LIPK: variants seen among roughly 807,000 people sequenced by gnomAD.
The protein encoded by LIPK is lipase member K.
Under a neutral mutation model 48.6 loss-of-function variants are expected in LIPK, and 32 were observed. The observed-to-expected ratio is 0.66, with a 90% CI of 0.50 to 0.88. The LOEUF (loss-of-function observed/expected upper bound fraction) is 0.88. Among genes scored for constraint, LIPK ranks in the 40% least tolerant of loss-of-function variants. The pLI, the probability that LIPK is intolerant of heterozygous loss-of-function variation, is 0.00. For missense variants in LIPK, 507 were observed against 478.5 expected (o/e 1.06, Z -0.56); for synonymous variants, 164 against 157.4 (o/e 1.04, Z -0.32).
chr10:88,721,900 A>C (rs1247087416), intron 1 of LIPK, among the ~76,000 whole-genome samples: 1 of 152,254 alleles, frequency 6.6e-6, no homozygotes, highest in African/African-American at 2.4e-5. Flanking sequence ...CCTGATCAAC[A>C]TTCGAAGCTT....
chr10:88,739,631 G>A (rs1009905040), intron 7 of LIPK, among the ~76,000 whole-genome samples: 4 of 152,062 alleles, frequency 2.6e-5, no homozygotes, highest in Non-Finnish European at 5.9e-5. Flanking sequence ...TGAGGCAGGC[G>A]GATCACGAGG....
chr10:88,723,193 C>T (rs1842266237), intron 1 of LIPK, among the ~76,000 whole-genome samples: 1 of 152,038 alleles, frequency 6.6e-6, no homozygotes, highest in South Asian at 2.1e-4. Flanking sequence ...CCCAATATTT[C>T]CTACCCTTTA....
intron 3 of LIPK, 62 bp from the exon 4 acceptor site, chr10:88,730,921 G>T (rs771630475): frequency 2.2e-6 from 3 of 1,393,148 alleles, no homozygotes; most frequent in Non-Finnish European, 2.9e-6. Flanking sequence ...TCAGGAATGA[G>T]ATTTTTCTTG....
intron 6 of LIPK, among the ~76,000 whole-genome samples, chr10:88,735,170 G>A (rs1370675453): frequency 6.6e-6 from 1 of 152,126 alleles, no homozygotes; most frequent in Non-Finnish European, 1.5e-5. Context: ...ACCATGCTAA[G>A]CCTCAATTTT....
chr10:88,707,367 C>T (rs1379568252), intron 1 of LIPK, among the ~76,000 whole-genome samples: 3 of 152,038 alleles, frequency 2.0e-5, no homozygotes, highest in East Asian at 1.9e-4. Flanking sequence ...TTTGTAAGGA[C>T]ATTGAGGGAA....
intron 8 of LIPK, among the ~76,000 whole-genome samples, chr10:88,741,619 G>A (rs986584639): frequency 6.6e-6 from 1 of 152,180 alleles, no homozygotes; most frequent in Non-Finnish European, 1.5e-5. Context: ...AAGTGGGGAT[G>A]GTGGGGGGCA....
chr10:88,726,636 G>A (rs760934489), intron 2 of LIPK, among the ~76,000 whole-genome samples, 159 bp from the exon 3 acceptor site: 9 of 152,226 alleles, frequency 5.9e-5, no homozygotes, highest in Non-Finnish European at 8.8e-5. Flanking sequence ...GAAGGCTGCA[G>A]TGAGCCAAGA....
intron 1 of LIPK, among the ~76,000 whole-genome samples, chr10:88,707,909 A>G (rs1841964730): frequency 6.6e-6 from 1 of 152,146 alleles, no homozygotes; most frequent in Non-Finnish European, 1.5e-5. Context: ...TTTTGGTAAG[A>G]GGTTAAAAGT....
intron 1 of LIPK, among the ~76,000 whole-genome samples, chr10:88,716,347 G>A (rs138672063): frequency 0.012 from 1,731 of 139,732 alleles, 29 homozygotes; most frequent in East Asian, 0.059. Flanking sequence ...AGAGAATTCA[G>A]GAAAATTTCT....
At chr10:88,738,796 A>G (rs111332832) in intron 7 of LIPK, among the ~76,000 whole-genome samples, 2,702 of 152,326 alleles carry the variant, frequency 0.018, 91 homozygotes, top group Admixed American at 0.088. Context: ...TTGTCAGATC[A>G]CCTTTTGTCT....
intron 3 of LIPK, among the ~76,000 whole-genome samples, chr10:88,729,252 T>TTGG (rs1554955616): frequency 2.5e-5 from 1 of 40,200 alleles, no homozygotes. Context: ...GGCTATCTGT[T>TTGG]GGGGGGGGGG....
intron 9 of LIPK, among the ~76,000 whole-genome samples, 195 bp from the exon 10 acceptor site, chr10:88,752,322 T>C (rs1349863989): frequency 6.6e-6 from 1 of 152,236 alleles, no homozygotes; most frequent in Non-Finnish European, 1.5e-5. Flanking sequence ...ATTGTTTTTT[T>C]CGATTCACAA....
intron 7 of LIPK, among the ~76,000 whole-genome samples, chr10:88,738,853 A>C (rs1218889242): frequency 1.3e-5 from 2 of 152,238 alleles, no homozygotes; most frequent in Non-Finnish European, 2.9e-5. Flanking sequence ...ACCTTCAAGG[A>C]CATTTGTTTC....
At chr10:88,736,159 G>C (rs1842567986) in intron 6 of LIPK, among the ~76,000 whole-genome samples, 1 of 151,788 alleles carries the variant, frequency 6.6e-6, no homozygotes, top group African/African-American at 2.4e-5. Context: ...AGGGAAGGAG[G>C]GAGAGGGAGA....
At chr10:88,729,900 G>A (rs405635) in intron 3 of LIPK, among the ~76,000 whole-genome samples, 37,517 of 152,064 alleles carry the variant, frequency 0.25, 4,829 homozygotes, top group East Asian at 0.36. Context: ...CACAGGAAAA[G>A]TCTAGTCACT....
intron 3 of LIPK, among the ~76,000 whole-genome samples, chr10:88,729,248 C>G (rs1842412198): frequency 8.5e-5 from 1 of 11,738 alleles, no homozygotes; most frequent in Non-Finnish European, 1.3e-4. Context: ...AGGTGGCTAT[C>G]TGTTGGGGGG....
chr10:88,748,005 C>T (rs190699262), intron 9 of LIPK, among the ~76,000 whole-genome samples: 42 of 152,158 alleles, frequency 2.8e-4, no homozygotes, highest in Middle Eastern at 3.4e-3. Context: ...ATGGAACCAA[C>T]GGAAATGCCC....
intron 1 of LIPK, among the ~76,000 whole-genome samples, chr10:88,709,920 G>C (rs1203565280): frequency 1.3e-5 from 2 of 152,074 alleles, no homozygotes; most frequent in Non-Finnish European, 2.9e-5. Context: ...AAAGAGTGTA[G>C]ATGAGAGTCA....
chr10:88,709,259 C>T (rs986708708), intron 1 of LIPK, among the ~76,000 whole-genome samples: 1 of 152,150 alleles, frequency 6.6e-6, no homozygotes, highest in African/African-American at 2.4e-5. Flanking sequence ...TGTCACAAAT[C>T]ACATAGTGAT....
Sources: allele counts gnomAD v4.1 joint callset (sites outside exome capture counted in the v4.1 genomes callset), GRCh38; gene constraint gnomAD v4.1.1; transcripts MANE v1.5; gene names NCBI Gene and HGNC (gene_info 2026-07-23, HGNC 2026-07-21).